Variants in TBC1D30 observed in about 807,000 individuals in gnomAD.
TBC1D30 encodes the protein TBC1 domain family, member 30.
A neutral mutation model predicts 63.2 loss-of-function variants in TBC1D30; 31 were observed. The ratio of observed to expected loss-of-function variants is 0.49; its 90% CI spans 0.37 to 0.66. TBC1D30 has a LOEUF of 0.66. Ranked by LOEUF, TBC1D30 falls within the 30% of genes least tolerant of loss-of-function variation. The pLI is 0.00. For synonymous variants in TBC1D30, 307 were observed against 361.5 expected (o/e 0.85, Z 1.71); for missense variants, 810 against 953.6 (o/e 0.85, Z 1.98).
intron 10 of TBC1D30, 32 bp downstream of exon 10, chr12:64,866,935 T>A: frequency 1.3e-6 from 2 of 1,534,590 alleles, no homozygotes; most frequent in Middle Eastern, 1.7e-4. Flanking sequence ...TAGATTATCA[T>A]GATGTATTGG....
intron 1 of TBC1D30, among the ~76,000 whole-genome samples, chr12:64,765,531 G>A (rs1230944189): frequency 7.7e-6 from 1 of 129,726 alleles, no homozygotes; most frequent in Non-Finnish European, 1.6e-5. Flanking sequence ...TTACTATATA[G>A]GCTCCCAAAC....
At chr12:64,764,271 T>G (rs1014872433) in intron 1 of TBC1D30, among the ~76,000 whole-genome samples, 1 of 152,234 alleles carries the variant, frequency 6.6e-6, no homozygotes, top group Non-Finnish European at 1.5e-5. Flanking sequence ...ATAAATTGTT[T>G]TAGTAAAATA....
At chr12:64,808,464 A>T (rs1873013849) in intron 2 of TBC1D30, among the ~76,000 whole-genome samples, 1 of 152,182 alleles carries the variant, frequency 6.6e-6, no homozygotes, top group African/African-American at 2.4e-5. Context: ...GTGCTCAAAA[A>T]TGTTTGCCAT....
chr12:64,824,321 C>T (rs772657698), upstream of TBC1D30, among the ~76,000 whole-genome samples: 1 of 152,156 alleles, frequency 6.6e-6, no homozygotes. Context: ...TGGGTCATGG[C>T]CCCTTCTGAG....
intron 2 of TBC1D30, chr12:64,787,472 C>CA (rs1871661243): frequency 3.3e-6 from 2 of 600,630 alleles, no homozygotes; most frequent in Non-Finnish European, 4.2e-6. Flanking sequence ...GTTGCTCTTT[C>CA]ACTCTGTCAC....
intron 7 of TBC1D30, among the ~76,000 whole-genome samples, chr12:64,841,447 A>G (rs1478384177): frequency 6.6e-6 from 1 of 152,066 alleles, no homozygotes; most frequent in African/African-American, 2.4e-5. Context: ...CCTCATGGTA[A>G]TCCACACTTG....
At position 64,827,183 on chromosome 12, in the gene TBC1D30, C is replaced by T. The variant is rs186810399; in HGVS notation, c.155-652C>T. 8.5e-5 allele frequency among the ~76,000 whole-genome samples: 13 copies of T among 152,294 alleles called. No homozygotes were observed. In the East Asian group the frequency reaches 2.3e-3, roughly 27 times the overall value. Reference sequence around the variant, plus strand: ...TAAAAAATGGGGCCGGGTGCCGTGGCTCATGTCTGTAATCCTAGCACTTTA... The same window carrying T: ...TAAAAAATGGGGCCGGGTGCCGTGGTTCATGTCTGTAATCCTAGCACTTTA... On this transcript the variant is annotated intron_variant, in intron 1 of 11. Coordinates refer to ENST00000539867, the MANE Select transcript of TBC1D30 (RefSeq NM_015279.2).
chr12:64,847,287 G>T (rs200054533), intron 8 of TBC1D30, among the ~76,000 whole-genome samples: 1 of 151,368 alleles, frequency 6.6e-6, no homozygotes, highest in Admixed American at 6.6e-5. Context: ...TTTTTTCTTA[G>T]TCTGGCTACA....
intron 8 of TBC1D30, among the ~76,000 whole-genome samples, chr12:64,859,797 A>G (rs950209599): frequency 3.9e-5 from 6 of 152,072 alleles, no homozygotes; most frequent in African/African-American, 1.4e-4. Context: ...GACAGACTCT[A>G]TGGCACTGGT....
intron 5 of TBC1D30, among the ~76,000 whole-genome samples, chr12:64,834,607 A>G (rs1193317598): frequency 6.7e-6 from 1 of 149,956 alleles, no homozygotes; most frequent in African/African-American, 2.5e-5. Flanking sequence ...GGGTTTCACC[A>G]TGTTGACCAG....
chr12:64,824,863 G>T lies in TBC1D30; in HGVS notation c.-17G>T, dbSNP rs769533034. 7 of 1,531,866 alleles carry T rather than the reference G, an allele frequency of 4.6e-6. No homozygotes were observed. The South Asian group carries it at 7.2e-5, about 16-fold the overall frequency. The allele number at this position is 1,531,866 out of a possible 1,614,324, so 94.9% of individuals were successfully genotyped here. ...CGAGACGGACGGTAGCCGTGCCAGAGCCCGGGGCGCTCTCGGATGCGGCAG... is the reference window on the plus strand; with the variant it reads ...CGAGACGGACGGTAGCCGTGCCAGATCCCGGGGCGCTCTCGGATGCGGCAG... On this transcript the variant is annotated 5_prime_UTR_variant, in exon 1 of 12. Coordinates refer to ENST00000539867, the MANE Select transcript of TBC1D30 (RefSeq NM_015279.2).
In TBC1D30 at chr12:64,878,724, C is replaced by T; in HGVS notation, c.*2936C>T. 1 of 361,674 alleles carries T rather than the reference C, an allele frequency of 2.8e-6. No individual in the cohort carries two copies. Among genetic ancestry groups the T allele is most frequent in the East Asian group, 7.4e-5 (1 of 13,548 alleles). The allele number at this position is 361,674 out of a possible 1,614,324, so 22.4% of individuals were successfully genotyped here. On this transcript the variant is annotated 3_prime_UTR_variant, in exon 12 of 12. Transcript: ENST00000539867. Reference sequence around the variant, plus strand: ...TTCTTCCTTCACCCCCAACCCCAGACCCCCCTTGGTCACATGAACCAGGGA... The same window carrying T: ...TTCTTCCTTCACCCCCAACCCCAGATCCCCCTTGGTCACATGAACCAGGGA...
chr12:64,798,917 ACT>A (rs980625657), intron 2 of TBC1D30, among the ~76,000 whole-genome samples: 92 of 143,818 alleles, frequency 6.4e-4, no homozygotes, highest in Middle Eastern at 3.9e-3. Context: ...GGTTCACGCC[ACT>A]CTCCTGGCTC....
In TBC1D30 at chr12:64,878,280, G is replaced by T. The variant is rs561124091; in HGVS notation, c.*2492G>T. On this transcript the variant is annotated 3_prime_UTR_variant, in exon 12 of 12. Transcript: ENST00000539867. ...AGCCTTGCCTACTTTAGAAAATAAA[G>T]AAACCTGCAGTAGCCTCTACCACAC... is the stretch of plus-strand genomic sequence containing the variant. The T allele has an allele frequency of 2.7e-5, 9 of 329,232 alleles. No individual in the cohort carries two copies. The East Asian group carries it at 6.0e-4, about 22-fold the overall frequency. The allele number at this position is 329,232 out of a possible 1,614,324, so 20.4% of individuals were successfully genotyped here.
chr12:64,814,717 A>C (rs1565653631), intron 2 of TBC1D30, among the ~76,000 whole-genome samples: 1 of 152,228 alleles, frequency 6.6e-6, no homozygotes, highest in Non-Finnish European at 1.5e-5. Flanking sequence ...TAAGTACATG[A>C]GTATAATAGG....
intron 1 of TBC1D30, among the ~76,000 whole-genome samples, chr12:64,827,303 G>T (rs563718891): frequency 3.9e-5 from 6 of 152,218 alleles, no homozygotes; most frequent in Admixed American, 3.9e-4. Flanking sequence ...ACAAAAATTA[G>T]CTGTGCGTGG....
chr12:64,793,691 A>C (rs1048398346), intron 2 of TBC1D30, among the ~76,000 whole-genome samples: 22 of 152,094 alleles, frequency 1.4e-4, no homozygotes, highest in African/African-American at 5.3e-4. Flanking sequence ...AAAAACCACA[A>C]GTACAGATGA....
chr12:64,804,175 T>C (rs1480254011), intron 2 of TBC1D30, among the ~76,000 whole-genome samples: 1 of 152,178 alleles, frequency 6.6e-6, no homozygotes. Context: ...CGTTGAGCAG[T>C]GGTTTATAGT....
chr12:64,762,966 G>C (rs1316862819), intron 1 of TBC1D30, among the ~76,000 whole-genome samples: 1 of 151,980 alleles, frequency 6.6e-6, no homozygotes, highest in Non-Finnish European at 1.5e-5. Context: ...GTGACATTCT[G>C]CATTTTATTT....
Sources: gnomAD v4.1 joint callset for allele counts (sites outside exome capture counted in the v4.1 genomes callset) on GRCh38, gnomAD v4.1.1 for gene constraint, MANE v1.5 for transcripts, NCBI Gene and HGNC (gene_info 2026-07-23, HGNC 2026-07-21) for gene names.